Variants in AXIN1 observed in about 807,000 individuals in gnomAD.
AXIN1 encodes axin-1.
A neutral mutation model predicts 76.4 loss-of-function variants in AXIN1; 30 were observed. The observed-to-expected ratio is 0.39, with a 90% CI of 0.29 to 0.53. The LOEUF is 0.53. Ranked by LOEUF, AXIN1 falls within the 20% of genes least tolerant of loss-of-function variation. AXIN1 has a pLI of 0.66. For missense variants in AXIN1, 1,140 were observed against 1,198.8 expected (o/e 0.95, Z 0.72); for synonymous variants, 545 against 501.4 (o/e 1.09, Z -1.16).
chr16:291,094 G>A, intron 9 of AXIN1, 96 bp downstream of exon 9: 2 of 1,204,418 alleles, frequency 1.7e-6, no homozygotes, highest in Non-Finnish European at 2.4e-6. Flanking sequence ...TGGTACCCGA[G>A]CTCAAGCCCC....
In AXIN1 at chr16:304,288, G is replaced by C. The variant is rs201627469; in HGVS notation, c.1254+16C>G. On this transcript the variant is annotated intron_variant, in intron 5 of 10. Transcript: ENST00000262320. ...CGACACCGACGCGGAGCGCGACACC[G>C]ACGCGGCCCACTCACCATGCGCACG... is the stretch of plus-strand genomic sequence containing the variant. 3 of 1,609,866 alleles carry C rather than the reference G, an allele frequency of 1.9e-6. No homozygotes were observed. Among genetic ancestry groups the C allele is most frequent in the Non-Finnish European group, 2.5e-6 (3 of 1,179,674 alleles).
At chr16:295,037 C>T (rs1267336230) in intron 7 of AXIN1, among the ~76,000 whole-genome samples, 1 of 144,738 alleles carries the variant, frequency 6.9e-6, no homozygotes, top group Admixed American at 6.9e-5. Context: ...GCACTCCAGC[C>T]TGGGCAACAG....
At chr16:323,679 T>G (rs1405500670) in intron 2 of AXIN1, among the ~76,000 whole-genome samples, 3 of 147,408 alleles carry the variant, frequency 2.0e-5, no homozygotes, top group African/African-American at 5.0e-5. Context: ...TACTCGGGAG[T>G]CTGAGGCAGG....
intron 2 of AXIN1, among the ~76,000 whole-genome samples, chr16:319,458 T>C (rs935329160): frequency 1.3e-5 from 2 of 152,164 alleles, no homozygotes; most frequent in Non-Finnish European, 2.9e-5. Flanking sequence ...CCAGGAGCTG[T>C]GTCATAAACA....
At chr16:297,325 C>T (rs552973634) in intron 6 of AXIN1, 99 bp from the exon 7 acceptor site, 38 of 1,519,266 alleles carry the variant, frequency 2.5e-5, no homozygotes, top group South Asian at 8.0e-5. Flanking sequence ...GTAAGGCTCC[C>T]GTGGTGCAGC....
intron 9 of AXIN1, 81 bp from the exon 10 acceptor site, chr16:289,688 G>A (rs2052498114): frequency 1.3e-6 from 2 of 1,570,228 alleles, no homozygotes; most frequent in African/African-American, 2.7e-5. Context: ...CAGGCTGCCA[G>A]TGTAAGGCGG....
rs866706802 is a variant in AXIN1, at chr16:297,156, C to T, written c.1855G>A (p.Val619Met). ...AESGKSASTE[V>M]PGASEDAEKN... The stretch of plus-strand genomic sequence containing the variant: ...TCCGCATCCTCCGAGGCACCTGGCA[C>T]CTCGGTGCTGGCGCTCTTCCCCGAC... The change falls in exon 7 of 11, where the codon GTG (valine) becomes ATG (methionine). Residue 619 changes from valine (V) to methionine (M), a missense_variant. Val to Met is a conservative substitution (Grantham distance 21, BLOSUM62 1). This residue lies in a region of AXIN1 where 429 missense variants were observed against 405.8 expected (regional missense o/e 1.06). Transcript: ENST00000262320. 1 of 1,612,328 alleles carries T rather than the reference C, an allele frequency of 6.2e-7. No individual in the cohort carries two copies. The highest frequency in any genetic ancestry group is 8.5e-7 in the Non-Finnish European group (1 of 1,179,956).
chr16:334,960 A>T (rs570699557), intron 2 of AXIN1, among the ~76,000 whole-genome samples: 13 of 152,162 alleles, frequency 8.5e-5, no homozygotes, highest in East Asian at 3.8e-4. Flanking sequence ...TGAGATATTT[A>T]ATTTTTTTCT....
At chr16:291,707 C>A in intron 8 of AXIN1, 1 of 328,152 alleles carries the variant, frequency 3.0e-6, no homozygotes, top group Non-Finnish European at 6.0e-6. Flanking sequence ...GCAACTCGGT[C>A]TGCACCTCAG....
chr16:306,179 GCA>G (rs1170350364), intron 4 of AXIN1, among the ~76,000 whole-genome samples: 10 of 151,614 alleles, frequency 6.6e-5, no homozygotes, highest in Middle Eastern at 3.4e-3. Flanking sequence ...ACACACACAC[GCA>G]CACACACAGG....
At chr16:319,434 G>GC (rs1362371066) in intron 2 of AXIN1, among the ~76,000 whole-genome samples, 2 of 152,208 alleles carry the variant, frequency 1.3e-5, no homozygotes, top group Non-Finnish European at 2.9e-5. Context: ...AGGCGCTGAT[G>GC]GCAGAATCAA....
In AXIN1 at chr16:293,232, A is replaced by C; in HGVS notation, c.2186+256T>G. On this transcript the variant is annotated intron_variant, in intron 8 of 10. Transcript: ENST00000262320. This position sits in a 1 kb window ranked among gnomAD's most constrained non-coding sequence, Gnocchi z 4.6. ...CCTGCAGACTGGGCTCAGGTTGAGG[A>C]GGGACCCCGCCTCCAGAGCAATGAG... is the stretch of plus-strand genomic sequence containing the variant. 3.6e-6 allele frequency: 2 copies of C among 561,036 alleles called. No individual in the cohort carries two copies. Among genetic ancestry groups the C allele is most frequent in the Non-Finnish European group, 6.4e-6 (2 of 312,772 alleles). The allele number at this position is 561,036 out of a possible 1,614,324, so 34.8% of individuals were successfully genotyped here.
chr16:301,619 C>T (rs2052875395), intron 5 of AXIN1, among the ~76,000 whole-genome samples: 1 of 152,132 alleles, frequency 6.6e-6, no homozygotes, highest in African/African-American at 2.4e-5. Flanking sequence ...AGCAAGATTC[C>T]ATCTCTACAA....
intron 9 of AXIN1, 187 bp downstream of exon 9, chr16:291,003 T>A (rs1188911804): frequency 1.5e-6 from 1 of 660,460 alleles, no homozygotes; most frequent in African/African-American, 1.8e-5. Context: ...GCGTCTCCTT[T>A]GATGGAGACA....
intron 2 of AXIN1, among the ~76,000 whole-genome samples, chr16:320,938 C>G (rs571397816): frequency 6.6e-6 from 1 of 151,836 alleles, no homozygotes; most frequent in African/African-American, 2.4e-5. Flanking sequence ...CAAGGTTTCG[C>G]CGTGTTGGTC....
chr16:327,011 G>A (rs970829743), intron 2 of AXIN1, among the ~76,000 whole-genome samples: 2 of 151,628 alleles, frequency 1.3e-5, no homozygotes, highest in African/African-American at 2.4e-5. Context: ...GTGCGGTGGC[G>A]GGTGCCTGTA....
At chr16:305,605 G>A (rs559242914) in intron 4 of AXIN1, among the ~76,000 whole-genome samples, 20 of 152,012 alleles carry the variant, frequency 1.3e-4, no homozygotes, top group Admixed American at 4.6e-4. Flanking sequence ...GTGTAGTGGC[G>A]CGATTTCGGC....
intron 6 of AXIN1, among the ~76,000 whole-genome samples, chr16:297,514 C>A (rs1225325863): frequency 6.6e-6 from 1 of 152,220 alleles, no homozygotes; most frequent in East Asian, 1.9e-4. Flanking sequence ...GAGCCAGGGT[C>A]GGGCTGTGTC....
At chr16:333,694 T>TG (rs11335047) in intron 2 of AXIN1, among the ~76,000 whole-genome samples, 30 of 151,626 alleles carry the variant, frequency 2.0e-4, no homozygotes, top group East Asian at 9.7e-4. Flanking sequence ...TCTAAATTTA[T>TG]GGGGGGGGTG....
Sources: gnomAD v4.1 joint callset for allele counts (sites outside exome capture counted in the v4.1 genomes callset) on GRCh38, gnomAD v4.1.1 for gene constraint, gnomAD v4.1.1 regional missense constraint, Gnocchi (gnomAD v3.1) non-coding constraint, MANE v1.5 for transcripts, NCBI Gene and HGNC (gene_info 2026-07-23, HGNC 2026-07-21) for gene names.